Variants in NXPH2 observed in about 807,000 individuals in gnomAD.
NXPH2 encodes the protein neurexophilin-2.
Under a neutral mutation model 19.8 loss-of-function variants are expected in NXPH2, and 5 were observed. The observed-to-expected ratio is 0.25, with a 90% confidence interval of 0.13 to 0.53. The LOEUF is 0.53. Among genes scored for constraint, NXPH2 ranks in the 20% least tolerant of loss-of-function variants. The pLI is 0.96. For synonymous variants in NXPH2, 154 were observed against 127.4 expected (o/e 1.21, Z -1.41); for missense variants, 289 against 322.8 (o/e 0.90, Z 0.80).
chr2:138,727,002 T>C (rs1185733018), intron 1 of NXPH2, among the ~76,000 whole-genome samples: 3 of 152,220 alleles, frequency 2.0e-5, no homozygotes, highest in Non-Finnish European at 4.4e-5. Context: ...ATGCATTTTC[T>C]AGATGCCATA....
chr2:138,715,327 T>C (rs755024474), intron 1 of NXPH2, among the ~76,000 whole-genome samples: 1 of 152,220 alleles, frequency 6.6e-6, no homozygotes, highest in Non-Finnish European at 1.5e-5. Flanking sequence ...TTATTTAGAG[T>C]AGAGTTTCTC....
intron 1 of NXPH2, among the ~76,000 whole-genome samples, chr2:138,706,933 T>A (rs570471068): frequency 9.3e-5 from 14 of 150,822 alleles, no homozygotes; most frequent in Admixed American, 8.6e-4. Context: ...AAAAAAAAGT[T>A]AAGGTGAATG....
chr2:138,744,702 ACT>A (rs563336940), intron 1 of NXPH2, among the ~76,000 whole-genome samples: 292 of 151,048 alleles, frequency 1.9e-3, no homozygotes, highest in African/African-American at 6.6e-3. Context: ...CTTCCCAGTC[ACT>A]CTCTCTCGGG....
chr2:138,760,480 C>G (rs1681993573), intron 1 of NXPH2, among the ~76,000 whole-genome samples: 1 of 152,208 alleles, frequency 6.6e-6, no homozygotes, highest in South Asian at 2.1e-4. Flanking sequence ...GCACGGAGGT[C>G]CCTGCTTTGG....
intron 1 of NXPH2, among the ~76,000 whole-genome samples, chr2:138,770,971 T>C (rs1682166436): frequency 1.3e-5 from 2 of 152,068 alleles, no homozygotes; most frequent in Non-Finnish European, 2.9e-5. Flanking sequence ...TTTAATAGAT[T>C]GTCAAAAATT....
intron 1 of NXPH2, among the ~76,000 whole-genome samples, chr2:138,771,599 C>A (rs1682178090): frequency 6.6e-6 from 1 of 152,072 alleles, no homozygotes; most frequent in Non-Finnish European, 1.5e-5. Context: ...GCTAAGGGAG[C>A]AGGGCAGCTG....
At chr2:138,688,409 T>G (rs1387013752) in intron 1 of NXPH2, among the ~76,000 whole-genome samples, 5 of 152,186 alleles carry the variant, frequency 3.3e-5, no homozygotes, top group African/African-American at 1.2e-4. Flanking sequence ...CTTGAACTCC[T>G]GAGCTCAAGC....
At position 138,670,462 on chromosome 2, in the gene NXPH2, A is replaced by AT. The variant is rs774104925; in HGVS notation, c.*459_*460insA. 6.6e-6 allele frequency among the ~76,000 whole-genome samples: 1 copy of AT among 152,238 alleles called. No homozygotes were observed. Among genetic ancestry groups the AT allele is most frequent in the Non-Finnish European group, 1.5e-5 (1 of 68,040 alleles). ...GGGAAAAGATAGAAATATAAAAAAA[A>AT]GGGTCCAATGTCAAAAACACAATTC... On this transcript the variant is annotated 3_prime_UTR_variant, in exon 2 of 2. Transcript: ENST00000272641.
At chr2:138,760,650 G>A (rs914441310) in intron 1 of NXPH2, among the ~76,000 whole-genome samples, 6 of 152,138 alleles carry the variant, frequency 3.9e-5, no homozygotes, top group African/African-American at 1.2e-4. Flanking sequence ...CCTTAGATGA[G>A]GCTTAAAAAT....
intron 1 of NXPH2, among the ~76,000 whole-genome samples, chr2:138,685,519 T>C (rs1031996738): frequency 2.6e-5 from 4 of 152,232 alleles, no homozygotes; most frequent in South Asian, 2.1e-4. Context: ...ATATCATAAA[T>C]TGAAAATGCA....
intron 1 of NXPH2, among the ~76,000 whole-genome samples, chr2:138,767,522 G>T (rs1370816369): frequency 6.6e-6 from 1 of 152,128 alleles, no homozygotes; most frequent in African/African-American, 2.4e-5. Context: ...GTATACATGT[G>T]CCATGGTGGT....
At chr2:138,695,590 A>G (rs908729654) in intron 1 of NXPH2, among the ~76,000 whole-genome samples, 2 of 152,186 alleles carry the variant, frequency 1.3e-5, no homozygotes, top group Non-Finnish European at 2.9e-5. Context: ...TTATTCAGAA[A>G]TAAAAGAATA....
rs527505023 is a variant in NXPH2, at chr2:138,753,207, G to A, written c.51+26984C>T. 1.6e-4 allele frequency among the ~76,000 whole-genome samples: 25 copies of A among 152,226 alleles called. No homozygotes were observed. In the South Asian group the frequency reaches 5.2e-3, roughly 32 times the overall value. On this transcript the variant is annotated intron_variant, in intron 1 of 1. Coordinates refer to ENST00000272641, the MANE Select transcript of NXPH2 (RefSeq NM_007226.3). ...ATATCAGTAAGGATAAATGGTTATT[G>A]ATTTTATACTTTGGGTTATAATCTA...
intron 1 of NXPH2, among the ~76,000 whole-genome samples, chr2:138,680,348 T>A (rs1201158263): frequency 6.6e-6 from 1 of 152,100 alleles, no homozygotes. Flanking sequence ...TGTAAGGAGG[T>A]GAATACTGCA....
chr2:138,756,738 T>C (rs1045209868), intron 1 of NXPH2, among the ~76,000 whole-genome samples: 2 of 152,164 alleles, frequency 1.3e-5, no homozygotes, highest in Non-Finnish European at 2.9e-5. Context: ...GCTCATGGCC[T>C]CAAACTCTCA....
chr2:138,679,681 T>C (rs566256753), intron 1 of NXPH2, among the ~76,000 whole-genome samples: 2 of 152,304 alleles, frequency 1.3e-5, no homozygotes, highest in South Asian at 4.1e-4. Context: ...ATTACAGGCG[T>C]GAGCCACTGC....
chr2:138,729,245 C>T (rs1681408204), intron 1 of NXPH2, among the ~76,000 whole-genome samples: 3 of 152,134 alleles, frequency 2.0e-5, no homozygotes, highest in Middle Eastern at 3.2e-3. Context: ...GTAATTGAAT[C>T]ATGGGGGTGG....
chr2:138,689,127 G>C (rs949517114), intron 1 of NXPH2, among the ~76,000 whole-genome samples: 3 of 152,140 alleles, frequency 2.0e-5, no homozygotes, highest in African/African-American at 7.2e-5. Flanking sequence ...TTATGAATTG[G>C]AATGTACCCA....
chr2:138,697,587 T>C (rs1324246882), intron 1 of NXPH2, among the ~76,000 whole-genome samples: 2 of 151,952 alleles, frequency 1.3e-5, no homozygotes, highest in Admixed American at 6.6e-5. Flanking sequence ...TTTAAAATTA[T>C]TGGCAGGAAA....
Sources: gnomAD v4.1 joint callset for allele counts (sites outside exome capture counted in the v4.1 genomes callset) on GRCh38, gnomAD v4.1.1 for gene constraint, MANE v1.5 for transcripts, NCBI Gene and HGNC (gene_info 2026-07-23, HGNC 2026-07-21) for gene names.